TNS3: variants seen among roughly 807,000 people sequenced by gnomAD.
TNS3 encodes tensin 3, also known as tensin-3.
TNS3 carries 45 observed loss-of-function variants against 140.9 expected under a neutral mutation model. The observed-to-expected ratio is 0.32, with a 90% CI of 0.25 to 0.41. The LOEUF is 0.41. Among genes scored for constraint, TNS3 ranks in the 10% least tolerant of loss-of-function variants. The pLI is 1.00. For missense variants in TNS3, 1,716 were observed against 1,906.7 expected (o/e 0.90, Z 1.86); for synonymous variants, 815 against 788.4 (o/e 1.03, Z -0.56).
At chr7:47,376,726 G>GACAGACACACACACAC (rs1554305194) in intron 16 of TNS3, among the ~76,000 whole-genome samples, 1 of 144,358 alleles carries the variant, frequency 6.9e-6, no homozygotes, top group Admixed American at 6.9e-5. Context: ...TCTAGATCAA[G>GACAGACACACACACAC]ACACACACAC....
In TNS3 at chr7:47,509,199, C is replaced by T. The variant is rs772132438; in HGVS notation, c.-152-2255G>A. Among the ~76,000 whole-genome samples the T allele has an allele frequency of 3.9e-5, 6 of 152,080 alleles. 1 individual carries two copies. Among genetic ancestry groups the T allele is most frequent in the African/African-American group, 9.7e-5 (4 of 41,418 alleles). ...GCCTACTCGGCCACCAGACAGCCAT[C>T]GGCACTGTAGGGCAAAATCATTAAA... is the stretch of plus-strand genomic sequence containing the variant. On this transcript the variant is annotated intron_variant, in intron 2 of 30. Coordinates refer to ENST00000311160, the MANE Select transcript of TNS3 (RefSeq NM_022748.12).
chr7:47,438,954 C>T (rs1282411170), intron 6 of TNS3, among the ~76,000 whole-genome samples: 1 of 152,092 alleles, frequency 6.6e-6, no homozygotes. Context: ...AAACAAGGGG[C>T]CAATCAGAGG....
intron 17 of TNS3, among the ~76,000 whole-genome samples, chr7:47,354,886 C>T (rs1043070059): frequency 1.3e-5 from 2 of 152,204 alleles, no homozygotes; most frequent in East Asian, 1.9e-4. Context: ...CATGACTGGA[C>T]GCTGCCCATC....
chr7:47,482,404 A>AG (rs796466591), intron 3 of TNS3, among the ~76,000 whole-genome samples: 4 of 152,340 alleles, frequency 2.6e-5, no homozygotes, highest in African/African-American at 9.6e-5. Context: ...TGTCTGGGGC[A>AG]GGGGTCCTCT....
At chr7:47,468,872 G>A (rs764526828) in intron 4 of TNS3, among the ~76,000 whole-genome samples, 17 of 152,228 alleles carry the variant, frequency 1.1e-4, no homozygotes, top group Admixed American at 3.9e-4. Context: ...AAAACAGTAC[G>A]GTACTGGCAC....
In TNS3 at chr7:47,275,972, G is replaced by A. The variant is rs1784853525; in HGVS notation, c.*2104C>T. Reference sequence around the variant, plus strand: ...TGAGCTCTCTCATCCTTCATCAGAAGGATAAGGAACCTGGCCTGCACTCTT... The same window carrying A: ...TGAGCTCTCTCATCCTTCATCAGAAAGATAAGGAACCTGGCCTGCACTCTT... On this transcript the variant is annotated 3_prime_UTR_variant, in exon 31 of 31. Coordinates refer to ENST00000311160, the MANE Select transcript of TNS3 (RefSeq NM_022748.12). 1 of 422,792 alleles carries A rather than the reference G, an allele frequency of 2.4e-6. No homozygotes were observed. The highest frequency in any genetic ancestry group is 1.7e-5 in the South Asian group (1 of 58,854). 26.2% of individuals were successfully genotyped at this position (422,792 alleles called of 1,614,324 possible).
At chr7:47,339,408 T>C (rs993082532) in intron 20 of TNS3, among the ~76,000 whole-genome samples, 2 of 152,326 alleles carry the variant, frequency 1.3e-5, no homozygotes, top group African/African-American at 4.8e-5. Context: ...TTGTTTTGCC[T>C]GTGGGTGCCC....
chr7:47,295,433 C>G (rs1293326709), intron 24 of TNS3, among the ~76,000 whole-genome samples: 2 of 152,200 alleles, frequency 1.3e-5, no homozygotes, highest in Non-Finnish European at 2.9e-5. Flanking sequence ...GACCCTCTTT[C>G]CTGCCATCAT....
At chr7:47,284,377 GA>G (rs1338229124) in intron 27 of TNS3, among the ~76,000 whole-genome samples, 1 of 152,172 alleles carries the variant, frequency 6.6e-6, no homozygotes, top group Non-Finnish European at 1.5e-5. Context: ...TGAGCTCAGA[GA>G]ACAGGCTGGA....
chr7:47,474,644 C>A (rs186630321), intron 4 of TNS3, among the ~76,000 whole-genome samples: 1 of 145,126 alleles, frequency 6.9e-6, no homozygotes, highest in African/African-American at 2.6e-5. Context: ...ACAACACACA[C>A]CACAACACAC....
At chr7:47,491,167 G>A (rs1212355673) in intron 3 of TNS3, among the ~76,000 whole-genome samples, 2 of 152,324 alleles carry the variant, frequency 1.3e-5, no homozygotes, top group Middle Eastern at 3.4e-3. Context: ...GTCCATCTAC[G>A]CTGCGATTCA....
At chr7:47,435,923 A>G (rs1400086084) in intron 7 of TNS3, among the ~76,000 whole-genome samples, 1 of 152,176 alleles carries the variant, frequency 6.6e-6, no homozygotes, top group Non-Finnish European at 1.5e-5. Flanking sequence ...AATCACCACC[A>G]TGTGCTAAAG....
At chr7:47,316,889 C>A (rs77899568) in intron 20 of TNS3, among the ~76,000 whole-genome samples, 3 of 151,880 alleles carry the variant, frequency 2.0e-5, no homozygotes, top group Non-Finnish European at 4.4e-5. Context: ...TGGCAGGCAG[C>A]CAGATATAAT....
intron 2 of TNS3, among the ~76,000 whole-genome samples, chr7:47,515,305 C>T (rs1798743942): frequency 6.6e-6 from 1 of 152,166 alleles, no homozygotes; most frequent in Admixed American, 6.5e-5. Flanking sequence ...GAATATGCCC[C>T]TAACCCTTCT....
At chr7:47,551,061 G>A (rs1307663397) in intron 1 of TNS3, among the ~76,000 whole-genome samples, 1 of 152,206 alleles carries the variant, frequency 6.6e-6, no homozygotes, top group African/African-American at 2.4e-5. Flanking sequence ...TTGGGAGCCT[G>A]GGTGAATAGC....
chr7:47,520,339 C>G lies in TNS3; in HGVS notation c.-153+8697G>C, dbSNP rs562289837. ...ATCTGAATAAACCAACAGAAAACAA[C>G]CCCACAACTTAACATAAAATTCCAG... On this transcript the variant is annotated intron_variant, in intron 2 of 30. Coordinates refer to ENST00000311160, the MANE Select transcript of TNS3 (RefSeq NM_022748.12). 3.9e-5 allele frequency among the ~76,000 whole-genome samples: 6 copies of G among 152,272 alleles called. No homozygotes were observed. The East Asian group carries it at 1.2e-3, about 29-fold the overall frequency.
At chr7:47,304,435 CTT>C (rs1321355478) in intron 21 of TNS3, among the ~76,000 whole-genome samples, 2 of 152,172 alleles carry the variant, frequency 1.3e-5, no homozygotes, top group Non-Finnish European at 2.9e-5. Context: ...CATAAAGAAA[CTT>C]ATTCCTACTC....
intron 28 of TNS3, among the ~76,000 whole-genome samples, chr7:47,282,956 C>T (rs982180071): frequency 2.6e-5 from 4 of 152,082 alleles, no homozygotes; most frequent in Non-Finnish European, 5.9e-5. Context: ...CCTGGGAAAG[C>T]AGCCAGGCTG....
intron 16 of TNS3, among the ~76,000 whole-genome samples, chr7:47,373,452 A>G (rs1479590445): frequency 6.6e-6 from 1 of 152,226 alleles, no homozygotes; most frequent in Non-Finnish European, 1.5e-5. Context: ...GGCTCTTCCC[A>G]TAGTGGACAG....
Sources: gnomAD v4.1 joint callset for allele counts (sites outside exome capture counted in the v4.1 genomes callset) on GRCh38, gnomAD v4.1.1 for gene constraint, MANE v1.5 for transcripts, NCBI Gene and HGNC (gene_info 2026-07-23, HGNC 2026-07-21) for gene names.